The following SH3D19 variants were observed in gnomAD, a reference collection of about 807,000 sequenced individuals.
SH3D19 encodes the protein SH3 domain containing 19, also known as SH3 domain-containing protein 19.
In SH3D19, 58 loss-of-function variants were observed where a neutral mutation model predicts 112.1. The ratio of observed to expected loss-of-function variants is 0.52; its 90% confidence interval spans 0.42 to 0.64. The LOEUF (loss-of-function observed/expected upper bound fraction) is 0.64, where lower values mean the gene tolerates loss of function less well. SH3D19 is among the 30% of genes least tolerant of loss of function. The pLI, the probability that SH3D19 is intolerant of heterozygous loss-of-function variation, is 0.00. For missense variants in SH3D19, 1,090 were observed against 1,263.4 expected, an observed-to-expected ratio of 0.86 and a Z score of 2.08; for synonymous variants, 391 against 448.5, an observed-to-expected ratio of 0.87 and a Z score of 1.62.
chr4:151,249,410 G>A (rs1276722361), intron 1 of SH3D19, among the ~76,000 whole-genome samples: 1 of 152,148 alleles, frequency 6.6e-6, no homozygotes, highest in African/African-American at 2.4e-5. Flanking sequence ...AAAATATTCT[G>A]TATAGAATTA....
At chr4:151,231,331 A>G (rs920045228) in intron 1 of SH3D19, among the ~76,000 whole-genome samples, 4 of 152,218 alleles carry the variant, frequency 2.6e-5, no homozygotes, top group African/African-American at 9.6e-5. Flanking sequence ...CTATATTTAG[A>G]GAGAGAAAAC....
intron 8 of SH3D19, among the ~76,000 whole-genome samples, chr4:151,162,705 C>T (rs945447806): frequency 6.6e-6 from 1 of 150,990 alleles, no homozygotes; most frequent in Non-Finnish European, 1.5e-5. Context: ...GGCGATTCTC[C>T]TGCATCAGCC....
At chr4:151,204,363 T>C (rs907374666) in intron 2 of SH3D19, among the ~76,000 whole-genome samples, 18 of 152,138 alleles carry the variant, frequency 1.2e-4, no homozygotes, top group African/African-American at 3.6e-4. Flanking sequence ...GAAGTACTAG[T>C]AAAAGGAAGA....
chr4:151,264,784 TCTTTTTTTC>T (rs1007036241), intron 1 of SH3D19, among the ~76,000 whole-genome samples: 2 of 152,334 alleles, frequency 1.3e-5, no homozygotes, highest in East Asian at 1.9e-4. Flanking sequence ...TGCCTTATTT[TCTTTTTTTC>T]CTTTTTTTCT....
intron 1 of SH3D19, among the ~76,000 whole-genome samples, chr4:151,290,406 A>G (rs1283984291): frequency 6.6e-6 from 1 of 152,230 alleles, no homozygotes; most frequent in Non-Finnish European, 1.5e-5. Flanking sequence ...AACCTTGAAA[A>G]GAATGTGCTA....
intron 3 of SH3D19, among the ~76,000 whole-genome samples, chr4:151,186,794 ATTTT>A (rs1225256937): frequency 7.9e-6 from 1 of 125,826 alleles, no homozygotes. Flanking sequence ...TGGTTACATA[ATTTT>A]TTTTTTTTTT....
At chr4:151,136,023 A>T (rs1305291645) in intron 14 of SH3D19, among the ~76,000 whole-genome samples, 1 of 152,210 alleles carries the variant, frequency 6.6e-6, no homozygotes, top group East Asian at 1.9e-4. Flanking sequence ...AAACAAAACA[A>T]AACAAAACAA....
intron 1 of SH3D19, among the ~76,000 whole-genome samples, chr4:151,239,305 A>G (rs181466315): frequency 6.6e-6 from 1 of 152,346 alleles, no homozygotes; most frequent in Admixed American, 6.5e-5. Flanking sequence ...CACCTTACAC[A>G]AAATAGGTAC....
intron 4 of SH3D19, among the ~76,000 whole-genome samples, chr4:151,177,604 C>T (rs1760148042): frequency 6.6e-6 from 1 of 152,232 alleles, no homozygotes; most frequent in South Asian, 2.1e-4. Context: ...CCACCTCAGC[C>T]TCCCAAAGTG....
intron 2 of SH3D19, among the ~76,000 whole-genome samples, chr4:151,188,948 G>C (rs933758031): frequency 1.6e-4 from 24 of 152,020 alleles, no homozygotes; most frequent in Non-Finnish European, 5.9e-5. Flanking sequence ...CATCTGAAGA[G>C]CCAAACCAAG....
intron 2 of SH3D19, among the ~76,000 whole-genome samples, chr4:151,211,056 T>C (rs1262156267): frequency 6.6e-6 from 1 of 152,080 alleles, no homozygotes; most frequent in Non-Finnish European, 1.5e-5. Context: ...CTACTAAAAA[T>C]ACAAAATACC....
At chr4:151,240,966 T>C (rs72723791) in intron 1 of SH3D19, among the ~76,000 whole-genome samples, 3,986 of 151,920 alleles carry the variant, frequency 0.026, 76 homozygotes, top group Non-Finnish European at 0.042. Context: ...AGGAACGAAG[T>C]ACTGGTCCAT....
chr4:151,196,899 C>T (rs1763548450), intron 2 of SH3D19, among the ~76,000 whole-genome samples: 1 of 152,148 alleles, frequency 6.6e-6, no homozygotes, highest in African/African-American at 2.4e-5. Context: ...AAATGCCCGA[C>T]ATCATTAATT....
chr4:151,189,263 A>G (rs1434559724), intron 2 of SH3D19, among the ~76,000 whole-genome samples: 2 of 151,838 alleles, frequency 1.3e-5, no homozygotes, highest in African/African-American at 4.8e-5. Context: ...ACAGGCACCC[A>G]CCACCATGCC....
chr4:151,281,186 C>A (rs1180339886), intron 1 of SH3D19, among the ~76,000 whole-genome samples: 6 of 152,264 alleles, frequency 3.9e-5, no homozygotes, highest in African/African-American at 1.4e-4. Context: ...TGATAGAATG[C>A]CTGACAAGTT....
chr4:151,159,815 G>C (rs1756812955), intron 8 of SH3D19, among the ~76,000 whole-genome samples: 1 of 152,140 alleles, frequency 6.6e-6, no homozygotes, highest in Non-Finnish European at 1.5e-5. Flanking sequence ...ACTGTGACTA[G>C]TGGCTACCAG....
At chr4:151,287,110 G>A (rs1774874361) in intron 1 of SH3D19, among the ~76,000 whole-genome samples, 1 of 151,436 alleles carries the variant, frequency 6.6e-6, no homozygotes, top group Non-Finnish European at 1.5e-5. Context: ...GGAGGCCGAG[G>A]CAGGCAGATC....
rs557403469 is a variant in SH3D19, at chr4:151,181,060, A to G, written c.194-1663T>C. 3.8e-4 allele frequency among the ~76,000 whole-genome samples: 58 copies of G among 151,912 alleles called. 1 individual carries two copies. The highest frequency in any genetic ancestry group is 1.8e-3 in the Admixed American group (28 of 15,246). On this transcript the variant is annotated intron_variant, in intron 3 of 19. Coordinates refer to ENST00000604030, the MANE Select transcript of SH3D19 (RefSeq NM_001378122.1). ...AGTGCTGGGATTACAGGCATGAGCC[A>G]CCACGCCCGGCCTACCTCTATTTTT...
At chr4:151,321,315 T>G (rs1730508933) in intron 1 of SH3D19, among the ~76,000 whole-genome samples, 1 of 152,112 alleles carries the variant, frequency 6.6e-6, no homozygotes, top group Non-Finnish European at 1.5e-5. Context: ...GGTCACCCAA[T>G]CTCGTCCGCC....
Sources: allele counts gnomAD v4.1 joint callset (sites outside exome capture counted in the v4.1 genomes callset), GRCh38; gene constraint gnomAD v4.1.1; transcripts MANE v1.5; gene names NCBI Gene and HGNC (gene_info 2026-07-23, HGNC 2026-07-21).